GLG1: variants seen among roughly 807,000 people sequenced by gnomAD.
The protein encoded by GLG1 is golgi glycoprotein 1.
Under a neutral mutation model 160.5 loss-of-function variants are expected in GLG1, and 38 were observed. The ratio of observed to expected loss-of-function variants is 0.24; its 90% CI spans 0.18 to 0.31. The LOEUF (loss-of-function observed/expected upper bound fraction) is 0.31. Ranked by LOEUF, GLG1 falls within the 10% of genes least tolerant of loss-of-function variation. The pLI, the probability that GLG1 is intolerant of heterozygous loss-of-function variation, is 1.00. For missense variants in GLG1, 1,373 were observed against 1,505.2 expected, an observed-to-expected ratio of 0.91 and a Z score of 1.45; for synonymous variants, 644 against 543.4, an observed-to-expected ratio of 1.19 and a Z score of -2.57.
Position 74,467,730 on chromosome 16 carries a change from A to G in GLG1, c.2529+26T>C, listed in dbSNP as rs758526421. On this transcript the variant is annotated intron_variant, in intron 18 of 25. Coordinates refer to ENST00000422840, the MANE Select transcript of GLG1 (RefSeq NM_001145667.2). ...ATATTACCTTCACATTACTTTTACAATTACAAAAGAAAAGCAAAAAGTTAC... is the reference window on the plus strand; with the variant it reads ...ATATTACCTTCACATTACTTTTACAGTTACAAAAGAAAAGCAAAAAGTTAC... 42 of 1,404,888 alleles carry G rather than the reference A, an allele frequency of 3.0e-5. No homozygotes were observed. The East Asian group carries it at 7.7e-4, about 26-fold the overall frequency. The allele number at this position is 1,404,888 out of a possible 1,614,324, so 87.0% of individuals were successfully genotyped here. A position where few individuals can be genotyped will look rare whatever the true frequency, so the allele number is the denominator to read the frequency against.
intron 1 of GLG1, among the ~76,000 whole-genome samples, chr16:74,600,709 G>A (rs1378834061): frequency 1.4e-5 from 2 of 145,744 alleles, no homozygotes; most frequent in Non-Finnish European, 3.0e-5. Flanking sequence ...TCCAATCTGG[G>A]CGACTGAGAA....
chr16:74,587,110 G>T (rs1958071872), intron 1 of GLG1, among the ~76,000 whole-genome samples: 1 of 152,118 alleles, frequency 6.6e-6, no homozygotes, highest in Non-Finnish European at 1.5e-5. Flanking sequence ...TAACTACTAT[G>T]GAAACTATCT....
chr16:74,568,116 A>T (rs1034245318), intron 1 of GLG1, among the ~76,000 whole-genome samples: 3 of 152,224 alleles, frequency 2.0e-5, no homozygotes, highest in African/African-American at 7.2e-5. Flanking sequence ...AATAAAAGCT[A>T]CTTTGGCCAC....
chr16:74,501,038 G>A (rs556271869), intron 4 of GLG1, among the ~76,000 whole-genome samples: 1 of 152,194 alleles, frequency 6.6e-6, no homozygotes, highest in Non-Finnish European at 1.5e-5. Flanking sequence ...AGTCATAGAA[G>A]AGTTTCAAGC....
intron 2 of GLG1, among the ~76,000 whole-genome samples, chr16:74,509,530 A>G (rs1017562482): frequency 2.0e-5 from 3 of 151,898 alleles, no homozygotes; most frequent in African/African-American, 7.3e-5. Flanking sequence ...GTTTCTAGGC[A>G]TATTTATCTT....
intron 1 of GLG1, among the ~76,000 whole-genome samples, chr16:74,546,653 C>T (rs1325766065): frequency 6.6e-6 from 1 of 151,202 alleles, no homozygotes; most frequent in Admixed American, 6.6e-5. Context: ...GCTTGGTCAA[C>T]ATAGTGAAAC....
chr16:74,524,393 A>C (rs758168475), intron 2 of GLG1, among the ~76,000 whole-genome samples: 14 of 152,136 alleles, frequency 9.2e-5, no homozygotes, highest in Non-Finnish European at 2.1e-4. Context: ...TGCTTGCTGT[A>C]GGCCTTTTTA....
At chr16:74,572,956 G>A (rs1486195086) in intron 1 of GLG1, among the ~76,000 whole-genome samples, 1 of 152,134 alleles carries the variant, frequency 6.6e-6, no homozygotes, top group African/African-American at 2.4e-5. Flanking sequence ...ATAGTGTCAA[G>A]GATTGAGCTG....
chr16:74,576,026 C>T (rs950504238), intron 1 of GLG1, among the ~76,000 whole-genome samples: 1 of 151,964 alleles, frequency 6.6e-6, no homozygotes, highest in African/African-American at 2.4e-5. Flanking sequence ...GTGGTGAAAC[C>T]CTGTCTCTAC....
At chr16:74,511,639 A>G (rs1187703336) in intron 2 of GLG1, among the ~76,000 whole-genome samples, 6 of 151,550 alleles carry the variant, frequency 4.0e-5, no homozygotes, top group African/African-American at 1.5e-4. Context: ...GCTTTCTGGT[A>G]TCACAAAAAT....
intron 2 of GLG1, among the ~76,000 whole-genome samples, chr16:74,529,118 C>T (rs549506949): frequency 3.3e-5 from 5 of 151,954 alleles, no homozygotes; most frequent in Non-Finnish European, 5.9e-5. Flanking sequence ...AGGCACCTGC[C>T]ACCACACCCA....
rs183485110 is a variant in GLG1 at position 74,604,922 on chromosome 16, G to A, written c.438+1735C>T. Reference sequence around the variant, plus strand: ...AAATTAGCTGGGCGTGGTGGCGCTCGCCTGTAGTCCCAGGTACTCAGGTGG... The same window carrying A: ...AAATTAGCTGGGCGTGGTGGCGCTCACCTGTAGTCCCAGGTACTCAGGTGG... On this transcript the variant is annotated intron_variant, in intron 1 of 25. Transcript: ENST00000422840. Among the ~76,000 whole-genome samples the A allele has an allele frequency of 1.2e-3, 177 of 152,230 alleles. 1 individual carries two copies. The highest frequency in any genetic ancestry group is 4.0e-3 in the African/African-American group (167 of 41,538).
chr16:74,497,945 T>C (rs1359497048), intron 4 of GLG1, among the ~76,000 whole-genome samples: 2 of 152,188 alleles, frequency 1.3e-5, no homozygotes, highest in East Asian at 3.9e-4. Context: ...TCTGAGAGTT[T>C]TCTTAAAAAC....
At chr16:74,581,173 C>G (rs939884100) in intron 1 of GLG1, among the ~76,000 whole-genome samples, 32 of 152,054 alleles carry the variant, frequency 2.1e-4, no homozygotes, top group African/African-American at 6.8e-4. Context: ...CACAGGGTCT[C>G]AAAGAGATAT....
At chr16:74,554,919 G>C (rs2018311698) in intron 1 of GLG1, among the ~76,000 whole-genome samples, 1 of 152,170 alleles carries the variant, frequency 6.6e-6, no homozygotes. Flanking sequence ...AGGAGACTGA[G>C]GTGTGAGGAT....
chr16:74,570,014 T>A (rs1169075232), intron 1 of GLG1, among the ~76,000 whole-genome samples: 1 of 149,598 alleles, frequency 6.7e-6, no homozygotes, highest in African/African-American at 2.5e-5. Flanking sequence ...AAACCCCGTC[T>A]CAAAAAAAAG....
In GLG1 at chr16:74,606,914, G is replaced by T; in HGVS notation, c.181C>A (p.Gln61Lys). 6.2e-7 allele frequency: 1 copy of T among 1,605,336 alleles called. No homozygotes were observed. Among genetic ancestry groups the T allele is most frequent in the Non-Finnish European group, 8.5e-7 (1 of 1,177,754 alleles). Reference sequence around the variant, plus strand: ...GACTGAGGCAGCTGGGGCAGCTGCTGACCCGCCGGGCCGCCGCCTCCGGCC... The same window carrying T: ...GACTGAGGCAGCTGGGGCAGCTGCTTACCCGCCGGGCCGCCGCCTCCGGCC... ...GQAGGGGPAG[Q>K]QLPQLPQSSQ... Residue 61 changes from glutamine to lysine, a missense_variant, in exon 1 of 26, where the codon CAG (glutamine) becomes AAG (lysine). By Grantham distance (53) the Gln-to-Lys change is moderately conservative. This residue lies in a region of GLG1 where 322 missense variants were observed against 254.6 expected (regional missense o/e 1.26). Coordinates refer to ENST00000422840, the MANE Select transcript of GLG1 (RefSeq NM_001145667.2).
At chr16:74,544,503 T>G (rs1159585062) in intron 1 of GLG1, among the ~76,000 whole-genome samples, 3 of 151,976 alleles carry the variant, frequency 2.0e-5, no homozygotes, top group African/African-American at 7.2e-5. Flanking sequence ...TTTTTTGTTG[T>G]TGTTTGTTTG....
At chr16:74,463,592 T>C (rs559951838) in intron 19 of GLG1, 113 bp from the exon 20 acceptor site, 2 of 1,035,406 alleles carry the variant, frequency 1.9e-6, no homozygotes, top group South Asian at 3.0e-5. Flanking sequence ...CAGGCTGGAG[T>C]GCAGTGGCGC....
Sources: allele counts gnomAD v4.1 joint callset (sites outside exome capture counted in the v4.1 genomes callset), GRCh38; gene constraint gnomAD v4.1.1; regional missense constraint gnomAD v4.1.1; transcripts MANE v1.5; gene names NCBI Gene and HGNC (gene_info 2026-07-23, HGNC 2026-07-21).